WNT7A: variants seen among roughly 807,000 people sequenced by gnomAD.
WNT7A encodes the protein Wnt family member 7A, also known as protein Wnt-7a.
WNT7A carries 16 observed loss-of-function variants against 28.2 expected under a neutral mutation model. The observed-to-expected ratio is 0.57, with a 90% CI of 0.38 to 0.86. The LOEUF (loss-of-function observed/expected upper bound fraction) is 0.86. Among genes scored for constraint, WNT7A ranks in the 40% least tolerant of loss-of-function variants. The probability of loss-of-function intolerance (pLI) is 0.00; values close to 1 mark genes in which losing one functional copy is unlikely to be tolerated. For synonymous variants in WNT7A, 190 were observed against 195.9 expected, an observed-to-expected ratio of 0.97 and a Z score of 0.25; for missense variants, 411 against 489.7, an observed-to-expected ratio of 0.84 and a Z score of 1.52.
At chr3:13,856,914 GAAGAA>G (rs1694745918) in intron 2 of WNT7A, among the ~76,000 whole-genome samples, 1 of 92,322 alleles carries the variant, frequency 1.1e-5, no homozygotes, top group Non-Finnish European at 2.0e-5. Context: ...AGAAGAAGAA[GAAGAA>G]GAAGAAGAAG....
Position 13,821,906 on chromosome 3 carries a change from T to G in WNT7A, c.571-2483A>C, listed in dbSNP as rs558959951. Among the ~76,000 whole-genome samples the G allele has an allele frequency of 2.6e-5, 4 of 152,368 alleles. No individual in the cohort carries two copies. The South Asian group carries it at 6.2e-4, about 24-fold the overall frequency. ...AACTATTCTTTTAAGTGAACAGGGA[T>G]GCTTTGTGTACTTTTTTCACATAAG... On this transcript the variant is annotated intron_variant, in intron 3 of 3. Transcript: ENST00000285018.
chr3:13,867,197 A>AT (rs1169422579), intron 2 of WNT7A, among the ~76,000 whole-genome samples: 1 of 152,050 alleles, frequency 6.6e-6, no homozygotes, highest in Non-Finnish European at 1.5e-5. Context: ...TGGCTCCCCC[A>AT]TTCTGCAGAC....
At chr3:13,864,354 G>A (rs1239088787) in intron 2 of WNT7A, among the ~76,000 whole-genome samples, 2 of 151,826 alleles carry the variant, frequency 1.3e-5, no homozygotes, top group East Asian at 1.9e-4. Flanking sequence ...CCCTCCCTAC[G>A]CTACGCCCTG....
chr3:13,854,309 T>C lies in WNT7A; in HGVS notation c.570+223A>G, dbSNP rs3762721. On this transcript the variant is annotated intron_variant, in intron 3 of 3. Transcript: ENST00000285018. ...TCCATCTTGCTGAGTAACATTCAAT[T>C]CGTCTTAAGGCAGACTCAATTATCC... Among the ~76,000 whole-genome samples the C allele has an allele frequency of 0.28, 41,807 of 151,880 alleles. 9,399 individuals carry two copies. Among genetic ancestry groups the C allele is most frequent in the African/African-American group, 0.61 (25,135 of 41,346 alleles).
intron 2 of WNT7A, among the ~76,000 whole-genome samples, chr3:13,868,388 T>G (rs996023733): frequency 6.6e-6 from 1 of 151,506 alleles, no homozygotes; most frequent in Non-Finnish European, 1.5e-5. Flanking sequence ...AGTGGAAGGA[T>G]TGCTTGAGCC....
chr3:13,818,999 C>A lies in WNT7A; in HGVS notation c.995G>T (p.Cys332Phe). 1.2e-6 allele frequency: 2 copies of A among 1,609,462 alleles called. No homozygotes were observed. The highest frequency in any genetic ancestry group is 1.7e-6 in the Non-Finnish European group (2 of 1,176,404). ...WQCNCKFHWC[C>F]YVKCNTCSER... ...GCTGCACGTGTTGCACTTGACATAGCAGCACCAGTGGAACTTACAGTTGCA... is the reference window on the plus strand; with the variant it reads ...GCTGCACGTGTTGCACTTGACATAGAAGCACCAGTGGAACTTACAGTTGCA... The change falls in exon 4 of 4, where the codon TGC becomes TTC. Residue 332 changes from cysteine to phenylalanine, a missense_variant. Coordinates refer to ENST00000285018, the MANE Select transcript of WNT7A (RefSeq NM_004625.4).
At chr3:13,825,774 A>C (rs1694184524) in intron 3 of WNT7A, among the ~76,000 whole-genome samples, 1 of 152,182 alleles carries the variant, frequency 6.6e-6, no homozygotes, top group Non-Finnish European at 1.5e-5. Flanking sequence ...GGCAGGACCG[A>C]GTCCAGTGCT....
intron 3 of WNT7A, among the ~76,000 whole-genome samples, chr3:13,841,545 A>G (rs1694456881): frequency 6.6e-6 from 1 of 152,180 alleles, no homozygotes; most frequent in Non-Finnish European, 1.5e-5. Flanking sequence ...TTCTTATGAG[A>G]ATTTTAGGAA....
intron 2 of WNT7A, among the ~76,000 whole-genome samples, chr3:13,865,654 G>A (rs188517563): frequency 6.6e-5 from 10 of 152,264 alleles, no homozygotes; most frequent in Non-Finnish European, 8.8e-5. Context: ...CCCCAGACCC[G>A]TCATTTGGAA....
intron 3 of WNT7A, among the ~76,000 whole-genome samples, chr3:13,851,321 C>T (rs1001643005): frequency 5.3e-5 from 8 of 152,244 alleles, no homozygotes; most frequent in Non-Finnish European, 8.8e-5. Flanking sequence ...AGCCCCTCTG[C>T]AGCCTCGTCA....
At chr3:13,859,584 T>C (rs1404010397) in intron 2 of WNT7A, among the ~76,000 whole-genome samples, 1 of 152,356 alleles carries the variant, frequency 6.6e-6, no homozygotes, top group East Asian at 1.9e-4. Context: ...TAGCTGCTGA[T>C]TATCTGTTCC....
Position 13,879,781 on chromosome 3 carries a change from G to C in WNT7A, c.36C>G (p.Leu12=). 1 of 1,612,734 alleles carries C rather than the reference G, an allele frequency of 6.2e-7. No homozygotes were observed. Among genetic ancestry groups the C allele is most frequent in the Non-Finnish European group, 8.5e-7 (1 of 1,179,254 alleles). ...NRKARRCLGH[L]FLSLGMVYLR... ...GGTAGACCATGCCCAGGCTGAGAAAGAGGTGGCCCAGGCAGCGCCGCGCTT... is the reference window on the plus strand; with the variant it reads ...GGTAGACCATGCCCAGGCTGAGAAACAGGTGGCCCAGGCAGCGCCGCGCTT... Residue 12 remains leucine (L), a synonymous_variant, in exon 1 of 4, where the codon CTC becomes CTG. Coordinates refer to ENST00000285018, the MANE Select transcript of WNT7A (RefSeq NM_004625.4).
chr3:13,845,460 G>T (rs1351092916), intron 3 of WNT7A, among the ~76,000 whole-genome samples: 1 of 152,188 alleles, frequency 6.6e-6, no homozygotes, highest in Non-Finnish European at 1.5e-5. Flanking sequence ...AGCCCTATGT[G>T]GCTTGTGATC....
chr3:13,870,614 G>A (rs1172371173), intron 2 of WNT7A, among the ~76,000 whole-genome samples: 1 of 152,226 alleles, frequency 6.6e-6, no homozygotes, highest in African/African-American at 2.4e-5. Context: ...GATTAGTTTG[G>A]GATGGGCACA....
intron 2 of WNT7A, among the ~76,000 whole-genome samples, chr3:13,873,670 G>T (rs966785229): frequency 3.9e-5 from 6 of 152,202 alleles, no homozygotes; most frequent in African/African-American, 1.2e-4. Flanking sequence ...AAACCAGTTC[G>T]GAATGGATTG....
intron 3 of WNT7A, among the ~76,000 whole-genome samples, chr3:13,820,518 G>C (rs562114296): frequency 1.3e-5 from 2 of 152,172 alleles, no homozygotes; most frequent in African/African-American, 4.8e-5. Context: ...TGGCCACTTA[G>C]TTCCCATGTG....
chr3:13,856,959 G>C, intron 2 of WNT7A, among the ~76,000 whole-genome samples: 1 of 125,338 alleles, frequency 8.0e-6, no homozygotes. Flanking sequence ...AGAAGAAGAA[G>C]AAGAAGAAGG....
intron 2 of WNT7A, among the ~76,000 whole-genome samples, chr3:13,863,003 C>T (rs895061751): frequency 1.3e-5 from 2 of 152,176 alleles, no homozygotes; most frequent in African/African-American, 4.8e-5. Context: ...GACAGCGGGA[C>T]CTTGAATGAG....
At chr3:13,855,649 T>C (rs1486618530) in intron 2 of WNT7A, among the ~76,000 whole-genome samples, 11 of 152,138 alleles carry the variant, frequency 7.2e-5, no homozygotes, top group Admixed American at 7.2e-4. Context: ...CCTCTTAGCC[T>C]CTTTGGGCCT....
Sources: gnomAD v4.1 joint callset for allele counts (sites outside exome capture counted in the v4.1 genomes callset) on GRCh38, gnomAD v4.1.1 for gene constraint, MANE v1.5 for transcripts, NCBI Gene and HGNC (gene_info 2026-07-23, HGNC 2026-07-21) for gene names.